Variants in MAST4 observed in about 807,000 individuals in gnomAD.
MAST4 encodes the protein microtubule-associated serine/threonine-protein kinase 4.
MAST4 carries 89 observed loss-of-function variants against 162.7 expected under a neutral mutation model. That is an observed-to-expected ratio of 0.55 (90% confidence interval 0.46 to 0.65). The LOEUF (loss-of-function observed/expected upper bound fraction) is 0.65. Ranked by LOEUF, MAST4 falls within the 30% of genes least tolerant of loss-of-function variation. The probability of loss-of-function intolerance (pLI) is 0.00; values close to 1 mark genes in which losing one functional copy is unlikely to be tolerated. For synonymous variants in MAST4, 1,479 were observed against 1,361.1 expected (o/e 1.09, Z -1.91); for missense variants, 3,153 against 3,374.0 (o/e 0.93, Z 1.62).
chr5:66,840,091 G>C (rs888292030), intron 3 of MAST4, among the ~76,000 whole-genome samples: 33 of 152,040 alleles, frequency 2.2e-4, no homozygotes, highest in Admixed American at 2.0e-3. Context: ...CACTCCTCAG[G>C]AAAGTGGTAG....
At chr5:66,618,033 T>TGGGGGGG (rs66792189) in intron 1 of MAST4, among the ~76,000 whole-genome samples, 5 of 143,670 alleles carry the variant, frequency 3.5e-5, no homozygotes, top group Non-Finnish European at 7.7e-5. Flanking sequence ...CTGGGAGGAA[T>TGGGGGGG]GGGGGGGGGG....
chr5:66,737,375 A>G (rs748124365), intron 1 of MAST4, among the ~76,000 whole-genome samples: 1 of 152,168 alleles, frequency 6.6e-6, no homozygotes. Context: ...GGAAGCCACA[A>G]TGCCTCTTAC....
intron 4 of MAST4, among the ~76,000 whole-genome samples, chr5:67,013,934 A>G (rs1049831690): frequency 1.3e-5 from 2 of 152,152 alleles, no homozygotes; most frequent in Admixed American, 1.3e-4. Context: ...CTTATGTCTG[A>G]TTTGAGTGGC....
At chr5:67,060,143 T>G (rs897545700) in intron 5 of MAST4, among the ~76,000 whole-genome samples, 3 of 152,194 alleles carry the variant, frequency 2.0e-5, no homozygotes, top group Non-Finnish European at 4.4e-5. Flanking sequence ...CTTAAGGACC[T>G]TTCTCCTTTT....
At chr5:66,755,886 C>T (rs1022810019) in intron 1 of MAST4, among the ~76,000 whole-genome samples, 2 of 152,178 alleles carry the variant, frequency 1.3e-5, no homozygotes, top group African/African-American at 4.8e-5. Flanking sequence ...GCCACAATGT[C>T]ATCGTGGAGG....
chr5:66,608,165 C>T (rs1743022570), intron 1 of MAST4, among the ~76,000 whole-genome samples: 1 of 149,526 alleles, frequency 6.7e-6, no homozygotes, highest in Non-Finnish European at 1.5e-5. Flanking sequence ...TCAAGTGATT[C>T]TCATGCCTCA....
At chr5:67,101,621 G>A (rs776135922) in intron 8 of MAST4, among the ~76,000 whole-genome samples, 4 of 152,018 alleles carry the variant, frequency 2.6e-5, no homozygotes, top group Non-Finnish European at 4.4e-5. Context: ...TTTATTAGGC[G>A]GTCAGTTGAA....
chr5:66,870,839 C>T (rs1760879169), intron 3 of MAST4: 1 of 471,510 alleles, frequency 2.1e-6, no homozygotes, highest in Non-Finnish European at 4.4e-6. Flanking sequence ...CTAGTGGACC[C>T]AGCTGCTTCA....
At chr5:66,698,729 TG>T (rs1749571588) in intron 1 of MAST4, among the ~76,000 whole-genome samples, 1 of 152,182 alleles carries the variant, frequency 6.6e-6, no homozygotes, top group Non-Finnish European at 1.5e-5. Context: ...ACAGAGCTTT[TG>T]CTTCCCCATC....
At chr5:67,037,973 T>C (rs1171583661) in intron 4 of MAST4, among the ~76,000 whole-genome samples, 1 of 152,144 alleles carries the variant, frequency 6.6e-6, no homozygotes, top group Non-Finnish European at 1.5e-5. Context: ...AGTGGAATTA[T>C]GTTTTGTTTA....
chr5:66,796,929 T>C (rs2149688931), intron 3 of MAST4, among the ~76,000 whole-genome samples: 1 of 152,248 alleles, frequency 6.6e-6, no homozygotes, highest in African/African-American at 2.4e-5. Flanking sequence ...ACTGAGGAGA[T>C]CTTAATTCTG....
chr5:67,162,510 C>G, intron 27 of MAST4, 97 bp from the exon 28 acceptor site: 2 of 1,073,936 alleles, frequency 1.9e-6, no homozygotes, highest in Non-Finnish European at 2.8e-6. Context: ...TATCCCTGTC[C>G]CTCACACGGA....
chr5:66,959,215 G>A (rs756601954), intron 4 of MAST4: 1 of 779,612 alleles, frequency 1.3e-6, no homozygotes, highest in South Asian at 1.3e-5. Flanking sequence ...TGTGTGTCAT[G>A]GTTACAATAG....
intron 2 of MAST4, among the ~76,000 whole-genome samples, chr5:66,788,193 G>T (rs953172105): frequency 3.9e-5 from 6 of 152,126 alleles, no homozygotes; most frequent in Admixed American, 6.5e-5. Context: ...TGGGGGAGAG[G>T]CACCAGCCCC....
At chr5:66,996,285 A>T (rs1042089214) in intron 4 of MAST4, among the ~76,000 whole-genome samples, 39 of 151,594 alleles carry the variant, frequency 2.6e-4, no homozygotes, top group East Asian at 5.8e-4. Flanking sequence ...ATCTCAAAAA[A>T]ATATATATAT....
At chr5:67,095,530 G>T (rs1764354177) in intron 6 of MAST4, 67 bp from the exon 7 acceptor site, 1 of 1,231,476 alleles carries the variant, frequency 8.1e-7, no homozygotes, top group Non-Finnish European at 1.1e-6. Flanking sequence ...AAAATACTTA[G>T]TTTCCCTGGG....
intron 4 of MAST4, among the ~76,000 whole-genome samples, chr5:66,951,820 T>C (rs1041523926): frequency 3.3e-5 from 5 of 152,300 alleles, no homozygotes; most frequent in Admixed American, 1.3e-4. Flanking sequence ...GTTGGCACTT[T>C]CTATGTTATC....
rs146389009 is a variant in MAST4 at position 66,624,686 on chromosome 5, T to C, written c.363+27668T>C. On this transcript the variant is annotated intron_variant, in intron 1 of 28. Transcript: ENST00000403625. Reference sequence around the variant, plus strand: ...TAATCACAACAGCATGGTACTGCTATAAAAGCAGATATACTGGCCAGTGGA... The same window carrying C: ...TAATCACAACAGCATGGTACTGCTACAAAAGCAGATATACTGGCCAGTGGA... 2.8e-4 allele frequency among the ~76,000 whole-genome samples: 43 copies of C among 152,300 alleles called. No homozygotes were observed. In the East Asian group the frequency reaches 7.9e-3, roughly 28 times the overall value.
chr5:67,144,643 A>G, intron 21 of MAST4, 26 bp from the exon 22 acceptor site: 1 of 1,610,244 alleles, frequency 6.2e-7, no homozygotes, highest in Non-Finnish European at 8.5e-7. Flanking sequence ...GTAGATATTA[A>G]TAAGCACCAA....
Sources: allele counts gnomAD v4.1 joint callset (sites outside exome capture counted in the v4.1 genomes callset), GRCh38; gene constraint gnomAD v4.1.1; transcripts MANE v1.5; gene names NCBI Gene and HGNC (gene_info 2026-07-23, HGNC 2026-07-21).